Variants in PRKAR2B observed in about 807,000 individuals in gnomAD.
PRKAR2B encodes the protein cAMP-dependent protein kinase type II-beta regulatory subunit.
PRKAR2B carries 14 observed loss-of-function variants against 49.9 expected under a neutral mutation model. The observed-to-expected ratio is 0.28, with a 90% CI of 0.19 to 0.44. The LOEUF (loss-of-function observed/expected upper bound fraction) is 0.44. PRKAR2B is among the 20% of genes least tolerant of loss of function. The pLI, the probability that PRKAR2B is intolerant of heterozygous loss-of-function variation, is 1.00. For synonymous variants in PRKAR2B, 196 were observed against 197.7 expected (o/e 0.99, Z 0.07); for missense variants, 393 against 537.9 (o/e 0.73, Z 2.67).
chr7:107,055,325 C>T (rs1265316405), intron 1 of PRKAR2B, among the ~76,000 whole-genome samples: 2 of 152,138 alleles, frequency 1.3e-5, no homozygotes, highest in Non-Finnish European at 2.9e-5. Context: ...TGGGTATATA[C>T]CCAGTAATGG....
In PRKAR2B at chr7:107,105,681, A is replaced by G. The variant is rs142691539; in HGVS notation, c.344-16271A>G. On this transcript the variant is annotated intron_variant, in intron 2 of 10. Coordinates refer to ENST00000265717, the MANE Select transcript of PRKAR2B (RefSeq NM_002736.3). ...CTATCAGTCCTCTATTCTCTTGGCC[A>G]TTATGGGTTTGGGTGGCCTTTGGAG... 1.6e-4 allele frequency among the ~76,000 whole-genome samples: 25 copies of G among 152,224 alleles called. 1 individual carries two copies. The highest frequency in any genetic ancestry group is 5.3e-4 in the African/African-American group (22 of 41,524).
At chr7:107,045,781 T>C (rs1331544923) in intron 1 of PRKAR2B, among the ~76,000 whole-genome samples, 2 of 152,220 alleles carry the variant, frequency 1.3e-5, no homozygotes, top group Admixed American at 1.3e-4. Flanking sequence ...ATAAGAGTTA[T>C]CTATTATTTT....
intron 4 of PRKAR2B, among the ~76,000 whole-genome samples, chr7:107,132,540 A>G (rs1463744751): frequency 6.6e-6 from 1 of 152,130 alleles, no homozygotes; most frequent in Admixed American, 6.6e-5. Context: ...AACTCCAGGG[A>G]AGGGGGAAAG....
chr7:107,142,111 C>T (rs1795800344), intron 5 of PRKAR2B, among the ~76,000 whole-genome samples: 1 of 152,170 alleles, frequency 6.6e-6, no homozygotes, highest in African/African-American at 2.4e-5. Context: ...CCCAGCCTGA[C>T]TTACTGGGTT....
At chr7:107,127,941 A>G (rs1471612790) in intron 3 of PRKAR2B, among the ~76,000 whole-genome samples, 1 of 152,170 alleles carries the variant, frequency 6.6e-6, no homozygotes, top group African/African-American at 2.4e-5. Context: ...TTGCTAACCT[A>G]GGGGAAAATA....
intron 1 of PRKAR2B, among the ~76,000 whole-genome samples, chr7:107,055,896 T>C (rs1401880550): frequency 6.6e-6 from 1 of 152,246 alleles, no homozygotes; most frequent in Non-Finnish European, 1.5e-5. Flanking sequence ...TGCCCATGCC[T>C]ATGTCCTGAA....
chr7:107,159,760 C>T lies in PRKAR2B; in HGVS notation c.*178C>T. On this transcript the variant is annotated 3_prime_UTR_variant, in exon 11 of 11. Coordinates refer to ENST00000265717, the MANE Select transcript of PRKAR2B (RefSeq NM_002736.3). Reference sequence around the variant, plus strand: ...TAATAGTCAATAGGCTTTAACATCACTTTCTAAAGAGTAGTTCATAAAAAA... The same window carrying T: ...TAATAGTCAATAGGCTTTAACATCATTTTCTAAAGAGTAGTTCATAAAAAA... The T allele has an allele frequency of 1.9e-6, 1 of 529,130 alleles. No individual in the cohort carries two copies. The allele number at this position is 529,130 out of a possible 1,614,324, so 32.8% of individuals were successfully genotyped here. A position where few individuals can be genotyped will look rare whatever the true frequency, so the allele number is the denominator to read the frequency against.
rs550156875 is a variant in PRKAR2B, at chr7:107,114,162, A to G, written c.344-7790A>G. 5.9e-5 allele frequency among the ~76,000 whole-genome samples: 9 copies of G among 152,314 alleles called. No homozygotes were observed. The East Asian group carries it at 1.7e-3, about 29-fold the overall frequency. ...TTAGTTCCAGTGATTGAGTACACAT[A>G]CTTAAGTTTTTAACTCTTTGGAACC... On this transcript the variant is annotated intron_variant, in intron 2 of 10. Coordinates refer to ENST00000265717, the MANE Select transcript of PRKAR2B (RefSeq NM_002736.3).
At chr7:107,103,360 A>G (rs1452525765) in intron 2 of PRKAR2B, among the ~76,000 whole-genome samples, 1 of 152,248 alleles carries the variant, frequency 6.6e-6, no homozygotes, top group Non-Finnish European at 1.5e-5. Context: ...AGTTTCCTCT[A>G]TACCTTTGAT....
At chr7:107,125,649 G>A (rs1259953692) in intron 3 of PRKAR2B, among the ~76,000 whole-genome samples, 1 of 152,192 alleles carries the variant, frequency 6.6e-6, no homozygotes, top group Non-Finnish European at 1.5e-5. Flanking sequence ...TTTCCCCAGT[G>A]AAGAGGGATT....
At chr7:107,130,654 C>T (rs1795590463) in intron 4 of PRKAR2B, among the ~76,000 whole-genome samples, 2 of 152,178 alleles carry the variant, frequency 1.3e-5, no homozygotes, top group Non-Finnish European at 2.9e-5. Flanking sequence ...ATTCAATCCA[C>T]GTTTGCCGAG....
intron 2 of PRKAR2B, among the ~76,000 whole-genome samples, chr7:107,119,988 C>G (rs748913757): frequency 1.3e-5 from 2 of 152,176 alleles, no homozygotes; most frequent in Non-Finnish European, 2.9e-5. Context: ...GCTTTGGAGT[C>G]AAGACACACA....
At chr7:107,085,088 AG>A (rs2116793259) in intron 2 of PRKAR2B, among the ~76,000 whole-genome samples, 1 of 152,284 alleles carries the variant, frequency 6.6e-6, no homozygotes, top group East Asian at 1.9e-4. Context: ...GAAAAATAAA[AG>A]ATCTACTTGT....
In PRKAR2B at chr7:107,161,378, A is replaced by G. The variant is rs1796194393; in HGVS notation, c.*1796A>G. 1 of 152,642 alleles carries G rather than the reference A, an allele frequency of 6.6e-6. No individual in the cohort carries two copies. Among genetic ancestry groups the G allele is most frequent in the Non-Finnish European group, 1.5e-5 (1 of 68,028 alleles). 9.5% of individuals were successfully genotyped at this position (152,642 alleles called of 1,614,324 possible). A position where few individuals can be genotyped will look rare whatever the true frequency, so the allele number is the denominator to read the frequency against. ...TGCATAAACTAATTGTTAACTATTC[A>G]TGGAACAGCAAACGCCTGTTTAATA... On this transcript the variant is annotated 3_prime_UTR_variant, in exon 11 of 11. Coordinates refer to ENST00000265717, the MANE Select transcript of PRKAR2B (RefSeq NM_002736.3).
At position 107,044,896 on chromosome 7, in the gene PRKAR2B, C is replaced by T; in HGVS notation, c.-12C>T. On this transcript the variant is annotated 5_prime_UTR_variant, in exon 1 of 11. Transcript: ENST00000265717. ...AGGGCGGCGCCCAGGCGCCTGCCGCCCCGGAGGCAGGATGAGCATCGAGAT... is the reference window on the plus strand; with the variant it reads ...AGGGCGGCGCCCAGGCGCCTGCCGCTCCGGAGGCAGGATGAGCATCGAGAT... The T allele has an allele frequency of 6.3e-7, 1 of 1,585,584 alleles. No individual in the cohort carries two copies. Among genetic ancestry groups the T allele is most frequent in the Non-Finnish European group, 8.5e-7 (1 of 1,169,878 alleles).
intron 2 of PRKAR2B, among the ~76,000 whole-genome samples, chr7:107,080,380 G>A (rs890095935): frequency 6.6e-6 from 1 of 152,268 alleles, no homozygotes; most frequent in African/African-American, 2.4e-5. Flanking sequence ...GGAATGTGTT[G>A]GGAAGGAGGG....
At chr7:107,095,141 T>G (rs1794811407) in intron 2 of PRKAR2B, among the ~76,000 whole-genome samples, 3 of 152,248 alleles carry the variant, frequency 2.0e-5, no homozygotes, top group Admixed American at 6.5e-5. Flanking sequence ...TCCATGAGCA[T>G]GAAATGTTCT....
At chr7:107,139,875 T>G (rs1329943904) in intron 4 of PRKAR2B, among the ~76,000 whole-genome samples, 1 of 152,228 alleles carries the variant, frequency 6.6e-6, no homozygotes, top group Non-Finnish European at 1.5e-5. Context: ...TGAATCTATC[T>G]TCAACTCTTT....
At chr7:107,045,914 G>A (rs1451908700) in intron 1 of PRKAR2B, among the ~76,000 whole-genome samples, 2 of 152,178 alleles carry the variant, frequency 1.3e-5, no homozygotes, top group Non-Finnish European at 2.9e-5. Context: ...TTATATAAAA[G>A]ACATATTGAA....
Sources: gnomAD v4.1 joint callset for allele counts (sites outside exome capture counted in the v4.1 genomes callset) on GRCh38, gnomAD v4.1.1 for gene constraint, MANE v1.5 for transcripts, NCBI Gene and HGNC (gene_info 2026-07-23, HGNC 2026-07-21) for gene names.